ANKRD29: variants seen among roughly 807,000 people sequenced by gnomAD.
The protein encoded by ANKRD29 is ankyrin repeat domain 29.
Under a neutral mutation model 38.0 loss-of-function variants are expected in ANKRD29, and 32 were observed. The ratio of observed to expected loss-of-function variants is 0.84; its 90% CI spans 0.64 to 1.13. The LOEUF (loss-of-function observed/expected upper bound fraction) is 1.13. ANKRD29 is among the 50% of genes most tolerant of loss of function. ANKRD29 has a pLI of 0.00. For missense variants in ANKRD29, 357 were observed against 377.9 expected (o/e 0.94, Z 0.46); for synonymous variants, 135 against 152.4 (o/e 0.89, Z 0.84).
In ANKRD29 at chr18:23,599,249, C is replaced by G. The variant is rs949840985; in HGVS notation, c.*1977G>C. The G allele has an allele frequency of 6.6e-6, 1 of 152,202 alleles. No homozygotes were observed. Among genetic ancestry groups the G allele is most frequent in the African/African-American group, 2.4e-5 (1 of 41,452 alleles). The allele number at this position is 152,202 out of a possible 1,614,324, so 9.4% of individuals were successfully genotyped here. On this transcript the variant is annotated 3_prime_UTR_variant, in exon 10 of 10. Coordinates refer to ENST00000592179, the MANE Select transcript of ANKRD29 (RefSeq NM_173505.4). ...TCCTTCTAAGCTAGACACCTCTTCC[C>G]TACAGTAAGAAGGCCTCCATATTGT...
chr18:23,651,583 CACACAAGAATGAT>C (rs1598536466), intron 1 of ANKRD29, among the ~76,000 whole-genome samples: 2 of 152,298 alleles, frequency 1.3e-5, no homozygotes, highest in East Asian at 3.9e-4. Context: ...GAAAGGTAAA[CACACAAGAATGAT>C]AGACTGTAAT....
chr18:23,624,846 A>T (rs2059843033), intron 6 of ANKRD29, among the ~76,000 whole-genome samples: 2 of 152,222 alleles, frequency 1.3e-5, no homozygotes, highest in Non-Finnish European at 2.9e-5. Flanking sequence ...CCCTCATTTC[A>T]TTCGAGATCA....
chr18:23,650,445 A>C (rs546956064), intron 1 of ANKRD29, among the ~76,000 whole-genome samples: 226 of 152,350 alleles, frequency 1.5e-3, no homozygotes, highest in Non-Finnish European at 2.7e-3. Flanking sequence ...CACTGGGCCT[A>C]CTGGGTTATT....
At chr18:23,641,983 T>C (rs1239076889) in intron 3 of ANKRD29, among the ~76,000 whole-genome samples, 6 of 152,070 alleles carry the variant, frequency 3.9e-5, no homozygotes, top group Admixed American at 3.9e-4. Flanking sequence ...GGAAAGGCGC[T>C]ACCCACTATG....
chr18:23,656,277 A>T (rs2060282885), intron 1 of ANKRD29, among the ~76,000 whole-genome samples: 1 of 152,010 alleles, frequency 6.6e-6, no homozygotes, highest in South Asian at 2.1e-4. Context: ...TGTAGCTCAG[A>T]TGCAAGCAGC....
At chr18:23,627,812 T>G (rs1356547785) in intron 6 of ANKRD29, among the ~76,000 whole-genome samples, 1 of 152,108 alleles carries the variant, frequency 6.6e-6, no homozygotes, top group African/African-American at 2.4e-5. Context: ...TTTACTAATT[T>G]TAGTAAAATG....
intron 6 of ANKRD29, among the ~76,000 whole-genome samples, chr18:23,628,833 C>CAA (rs60035025): frequency 3.1e-5 from 4 of 129,036 alleles, no homozygotes; most frequent in East Asian, 2.5e-4. Flanking sequence ...GACGCTGTCT[C>CAA]AAAAAAAAAA....
intron 1 of ANKRD29, among the ~76,000 whole-genome samples, chr18:23,659,225 G>A (rs540897191): frequency 6.6e-5 from 10 of 152,086 alleles, no homozygotes; most frequent in East Asian, 1.9e-4. Context: ...CAGGTGATCC[G>A]CCACAGCTTC....
At position 23,619,625 on chromosome 18, in the gene ANKRD29, C is replaced by A; in HGVS notation, c.533G>T (p.Gly178Val). Residue 178 changes from glycine to valine, a missense_variant, in exon 7 of 10, where the codon GGG becomes GTG. By Grantham distance (109) the Gly-to-Val change is moderately radical (BLOSUM62 -3). Transcript: ENST00000592179. ...GAKVNQPRQD[G>V]TAPLWIASQM... ...GGACGCGATCCACAGGGGCGCTGTC[C>A]CGTCCTGCGGGAAGAGGAGGCGGCG... is the stretch of plus-strand genomic sequence containing the variant. 2 of 1,579,398 alleles carry A rather than the reference C, an allele frequency of 1.3e-6. No individual in the cohort carries two copies. The highest frequency in any genetic ancestry group is 4.6e-5 in the East Asian group (2 of 43,644).
At chr18:23,610,574 T>G (rs2145639095) in intron 9 of ANKRD29, among the ~76,000 whole-genome samples, 1 of 152,264 alleles carries the variant, frequency 6.6e-6, no homozygotes, top group East Asian at 1.9e-4. Context: ...GTGGGAGGAT[T>G]GCTTGAGACC....
chr18:23,649,334 C>A (rs1445362782), intron 1 of ANKRD29, 141 bp from the exon 2 acceptor site: 4 of 732,136 alleles, frequency 5.5e-6, no homozygotes, highest in South Asian at 1.7e-5. Flanking sequence ...CAGCAATAGA[C>A]AACTGTAATA....
chr18:23,655,406 T>C (rs2060266188), intron 1 of ANKRD29, among the ~76,000 whole-genome samples: 1 of 152,216 alleles, frequency 6.6e-6, no homozygotes, highest in South Asian at 2.1e-4. Flanking sequence ...TAGTATCATA[T>C]GACAGCAGAC....
chr18:23,616,137 T>C (rs6507787), intron 8 of ANKRD29, among the ~76,000 whole-genome samples: 39,953 of 103,886 alleles, frequency 0.38, 9,028 homozygotes, highest in East Asian at 0.62. Context: ...TGTATGTATG[T>C]ATACTCTACA....
At chr18:23,626,884 A>C (rs1328762902) in intron 6 of ANKRD29, among the ~76,000 whole-genome samples, 1 of 152,270 alleles carries the variant, frequency 6.6e-6, no homozygotes, top group Non-Finnish European at 1.5e-5. Context: ...CAGTGCAACA[A>C]TTACAAATCA....
intron 9 of ANKRD29, among the ~76,000 whole-genome samples, chr18:23,611,545 C>T (rs1270371568): frequency 6.6e-6 from 1 of 152,072 alleles, no homozygotes; most frequent in Non-Finnish European, 1.5e-5. Flanking sequence ...ATTAGCCGGG[C>T]ATGGTGGTCT....
At chr18:23,610,185 T>C (rs934026720) in intron 9 of ANKRD29, among the ~76,000 whole-genome samples, 82 of 152,298 alleles carry the variant, frequency 5.4e-4, no homozygotes, top group African/African-American at 1.7e-3. Flanking sequence ...CTCCAAAAGT[T>C]TGTAGTTTAT....
intron 3 of ANKRD29, among the ~76,000 whole-genome samples, chr18:23,641,607 C>T (rs1345374770): frequency 1.3e-5 from 2 of 152,224 alleles, no homozygotes; most frequent in African/African-American, 2.4e-5. Context: ...CCTGTAGGCG[C>T]CCCTTGGCAG....
chr18:23,604,447 A>G (rs1194919520), intron 9 of ANKRD29, among the ~76,000 whole-genome samples: 1 of 151,840 alleles, frequency 6.6e-6, no homozygotes, highest in Non-Finnish European at 1.5e-5. Flanking sequence ...TTCTGCTGAG[A>G]TCATCTGGAT....
chr18:23,630,967 C>A (rs956800963), intron 5 of ANKRD29, among the ~76,000 whole-genome samples: 1,741 of 88,988 alleles, frequency 0.02, no homozygotes, highest in African/African-American at 0.032. Context: ...GACCCTGTCT[C>A]AAAAAAAAAA....
Sources: allele counts gnomAD v4.1 joint callset (sites outside exome capture counted in the v4.1 genomes callset), GRCh38; gene constraint gnomAD v4.1.1; transcripts MANE v1.5; gene names NCBI Gene and HGNC (gene_info 2026-07-23, HGNC 2026-07-21).